Variants in ZFHX3 observed in about 807,000 individuals in gnomAD.
The protein encoded by ZFHX3 is zinc finger homeobox 3.
Under a neutral mutation model 279.1 loss-of-function variants are expected in ZFHX3, and 42 were observed. The observed-to-expected ratio is 0.15, with a 90% CI of 0.12 to 0.19. The LOEUF (loss-of-function observed/expected upper bound fraction) is 0.19. ZFHX3 is among the 10% of genes least tolerant of loss of function. The pLI is 1.00. For synonymous variants in ZFHX3, 2,293 were observed against 1,957.8 expected (o/e 1.17, Z -4.52); for missense variants, 4,981 against 4,754.0 (o/e 1.05, Z -1.40).
At chr16:73,541,854 G>C (rs147513781) in intron 2 of ZFHX3, among the ~76,000 whole-genome samples, 2 of 142,102 alleles carry the variant, frequency 1.4e-5, no homozygotes, top group East Asian at 4.2e-4. Flanking sequence ...CCAGGCTGGA[G>C]TGCAGTGGCA....
rs8051371 is a variant in ZFHX3 at position 72,981,123 on chromosome 16, C to A, written c.-49-20929G>T. On this transcript the variant is annotated intron_variant, in intron 1 of 9. Coordinates refer to ENST00000268489, the MANE Select transcript of ZFHX3 (RefSeq NM_006885.4). The stretch of plus-strand genomic sequence containing the variant: ...CTTCCGAAGGGCTTTCCTCCCAGGC[C>A]GGGCCCCAGCTATCTCTAAAGCTCC... 3.9e-3 allele frequency among the ~76,000 whole-genome samples: 596 copies of A among 152,258 alleles called. 9 individuals are homozygous for A. The highest frequency in any genetic ancestry group is 0.013 in the African/African-American group (532 of 41,548).
chr16:73,174,703 G>A (rs895564261), intron 5 of ZFHX3, among the ~76,000 whole-genome samples: 8 of 151,850 alleles, frequency 5.3e-5, no homozygotes, highest in Non-Finnish European at 7.4e-5. Context: ...ATCAATGAGC[G>A]ACCCAGAGGG....
At chr16:72,855,620 T>C (rs545464418) in intron 4 of ZFHX3, among the ~76,000 whole-genome samples, 2 of 152,326 alleles carry the variant, frequency 1.3e-5, no homozygotes, top group South Asian at 4.1e-4. Flanking sequence ...CCAAGATTCA[T>C]CTGGAAATCG....
At chr16:73,504,818 G>A (rs904216851) in intron 2 of ZFHX3, 2 of 152,416 alleles carry the variant, frequency 1.3e-5, no homozygotes, top group East Asian at 1.9e-4. Flanking sequence ...TGGTTGGGGG[G>A]GCGGTGGGGA....
intron 1 of ZFHX3, among the ~76,000 whole-genome samples, chr16:73,738,969 C>T (rs778098759): frequency 1.7e-4 from 25 of 151,252 alleles, no homozygotes; most frequent in Non-Finnish European, 1.9e-4. Context: ...GTGAGTCCAA[C>T]TCCCACCAGA....
chr16:73,421,681 AT>A, intron 3 of ZFHX3, among the ~76,000 whole-genome samples: 1 of 152,298 alleles, frequency 6.6e-6, no homozygotes, highest in Middle Eastern at 3.4e-3. Context: ...CTCCTGTTTC[AT>A]TTGACTGATA....
intron 7 of ZFHX3, among the ~76,000 whole-genome samples, chr16:72,801,684 C>G (rs949557921): frequency 2.0e-5 from 3 of 152,222 alleles, no homozygotes; most frequent in African/African-American, 7.2e-5. Context: ...CCACAGACAT[C>G]TGCACCTCAC....
chr16:73,204,310 T>G (rs1597218511), intron 5 of ZFHX3, among the ~76,000 whole-genome samples: 1 of 151,346 alleles, frequency 6.6e-6, no homozygotes, highest in Admixed American at 6.6e-5. Flanking sequence ...TTATAATATA[T>G]AATGAAATAA....
chr16:73,423,448 T>C (rs1021268163), intron 3 of ZFHX3, among the ~76,000 whole-genome samples: 1 of 152,188 alleles, frequency 6.6e-6, no homozygotes, highest in Non-Finnish European at 1.5e-5. Context: ...CACTGGGTGC[T>C]GGTGAGACCG....
At chr16:73,362,681 G>T (rs1264495557) in intron 3 of ZFHX3, among the ~76,000 whole-genome samples, 1 of 152,242 alleles carries the variant, frequency 6.6e-6, no homozygotes, top group African/African-American at 2.4e-5. Context: ...CAGGGCACCT[G>T]CCCACCAGCC....
rs111794244 is a variant in ZFHX3, at chr16:73,729,016, G to A, written c.-1607-48776C>T. ...GGCAGTGTGTTCAGCCAGGGAAGAA[G>A]GTAGGTCTGAAGTTCTGGGAATGAC... On this transcript the variant is annotated intron_variant, in intron 1 of 17. Coordinates refer to the ZFHX3 transcript ENST00000641206. 1.7e-3 allele frequency among the ~76,000 whole-genome samples: 259 copies of A among 152,268 alleles called. 5 individuals are homozygous for A. The highest frequency in any genetic ancestry group is 6.8e-3 in the Middle Eastern group (2 of 294).
intron 8 of ZFHX3, among the ~76,000 whole-genome samples, chr16:73,084,114 C>A (rs950031634): frequency 6.6e-6 from 1 of 152,206 alleles, no homozygotes; most frequent in South Asian, 2.1e-4. Context: ...AAGGAATTAT[C>A]TGGCTCAAAA....
At chr16:73,383,732 C>T (rs1293310312) in intron 3 of ZFHX3, among the ~76,000 whole-genome samples, 1 of 152,184 alleles carries the variant, frequency 6.6e-6, no homozygotes, top group Non-Finnish European at 1.5e-5. Context: ...CTCACAGCTG[C>T]ATCCGGCCAA....
chr16:73,246,565 G>T (rs1035099815), intron 5 of ZFHX3, among the ~76,000 whole-genome samples: 4 of 152,138 alleles, frequency 2.6e-5, no homozygotes, highest in African/African-American at 9.7e-5. Flanking sequence ...AATGAAGGGG[G>T]TCTTTCCCAG....
At chr16:73,363,754 G>A (rs769621953) in intron 3 of ZFHX3, among the ~76,000 whole-genome samples, 13 of 151,970 alleles carry the variant, frequency 8.6e-5, no homozygotes, top group South Asian at 2.1e-4. Context: ...TTTGCATTTC[G>A]CACTATGCTC....
intron 4 of ZFHX3, among the ~76,000 whole-genome samples, chr16:73,262,214 A>T (rs1215992056): frequency 6.6e-6 from 1 of 152,250 alleles, no homozygotes; most frequent in Non-Finnish European, 1.5e-5. Flanking sequence ...GAGAACAAAG[A>T]TGGGAGGAGA....
Position 72,796,225 on chromosome 16 carries a change from T to C in ZFHX3, c.6457A>G (p.Thr2153Ala), listed in dbSNP as rs781664085. The change falls in exon 9 of 10, where the codon ACA becomes GCA. Residue 2153 changes from threonine to alanine, a missense_variant. By Grantham distance (58) the Thr-to-Ala change is moderately conservative. Transcript: ENST00000268489. ...QQNKRPRTRI[T>A]DDQLRVLRQY... is the part of the protein sequence containing the mutation. Reference sequence around the variant, plus strand: ...CGCAAGACTCGGAGCTGATCATCTGTGATCCTGGTGCGAGGCCTCTTGTTC... The same window carrying C: ...CGCAAGACTCGGAGCTGATCATCTGCGATCCTGGTGCGAGGCCTCTTGTTC... 1 of 1,614,130 alleles carries C rather than the reference T, an allele frequency of 6.2e-7. No homozygotes were observed. The highest frequency in any genetic ancestry group is 8.5e-7 in the Non-Finnish European group (1 of 1,180,038).
intron 1 of ZFHX3, among the ~76,000 whole-genome samples, chr16:73,729,800 T>A (rs1415148408): frequency 6.6e-6 from 1 of 152,164 alleles, no homozygotes; most frequent in African/African-American, 2.4e-5. Context: ...TTCTATTAGG[T>A]CCCATGAGGC....
chr16:73,127,594 G>C, intron 7 of ZFHX3: 1 of 1,301,318 alleles, frequency 7.7e-7, no homozygotes, highest in Non-Finnish European at 1.0e-6. Context: ...CACTGACCAC[G>C]GAGCACTGCT....
Sources: allele counts gnomAD v4.1 joint callset (sites outside exome capture counted in the v4.1 genomes callset), GRCh38; gene constraint gnomAD v4.1.1; transcripts MANE v1.5; gene names NCBI Gene and HGNC (gene_info 2026-07-23, HGNC 2026-07-21).